Variants in FAR1 observed in about 807,000 individuals in gnomAD.
FAR1 encodes the protein male sterility domain-containing protein 2.
FAR1 carries 22 observed loss-of-function variants against 61.1 expected under a neutral mutation model. That is an observed-to-expected ratio of 0.36 (90% CI 0.26 to 0.51). The LOEUF (loss-of-function observed/expected upper bound fraction) is 0.51, where lower values mean the gene tolerates loss of function less well. Among genes scored for constraint, FAR1 ranks in the 20% least tolerant of loss-of-function variants. FAR1 has a pLI of 0.95. For missense variants in FAR1, 359 were observed against 626.9 expected, an observed-to-expected ratio of 0.57 and a Z score of 4.56; for synonymous variants, 206 against 209.7, an observed-to-expected ratio of 0.98 and a Z score of 0.15.
rs1481802538 is a variant in FAR1 at position 13,731,339 on chromosome 11, C to T, written c.*2565C>T. 1 of 152,286 alleles carries T rather than the reference C, an allele frequency of 6.6e-6. No individual in the cohort carries two copies. Among genetic ancestry groups the T allele is most frequent in the Non-Finnish European group, 1.5e-5 (1 of 67,938 alleles). The allele number at this position is 152,286 out of a possible 1,614,324, so 9.4% of individuals were successfully genotyped here. On this transcript the variant is annotated 3_prime_UTR_variant, in exon 12 of 12. Transcript: ENST00000354817. ...AGCAGGGAAAAGAATTTCCTTTTCCCCCTTTTTTGTGTTGTCTATAGGAAT... is the reference window on the plus strand; with the variant it reads ...AGCAGGGAAAAGAATTTCCTTTTCCTCCTTTTTTGTGTTGTCTATAGGAAT...
At chr11:13,700,034 G>A (rs1338357749) in intron 2 of FAR1, among the ~76,000 whole-genome samples, 1 of 152,056 alleles carries the variant, frequency 6.6e-6, no homozygotes, top group Admixed American at 6.6e-5. Flanking sequence ...CCAAGGCATG[G>A]ACAGTTCAAA....
At chr11:13,684,065 G>A (rs1331187686) in intron 1 of FAR1, among the ~76,000 whole-genome samples, 2 of 152,168 alleles carry the variant, frequency 1.3e-5, no homozygotes, top group Non-Finnish European at 2.9e-5. Context: ...TGTGAACATG[G>A]TGAACATTGT....
intron 9 of FAR1, among the ~76,000 whole-genome samples, chr11:13,715,624 G>GA (rs1014399279): frequency 6.6e-6 from 1 of 151,706 alleles, no homozygotes; most frequent in Admixed American, 6.6e-5. Flanking sequence ...GCATAGTTAT[G>GA]AAAAAAAAGT....
At chr11:13,712,146 C>A in intron 7 of FAR1, 100 bp downstream of exon 7, 1 of 840,024 alleles carries the variant, frequency 1.2e-6, no homozygotes, top group Non-Finnish European at 2.0e-6. Context: ...CCAGATATTG[C>A]CATACCAATA....
intron 3 of FAR1, among the ~76,000 whole-genome samples, chr11:13,706,541 A>C (rs1352129905): frequency 1.3e-5 from 2 of 152,034 alleles, no homozygotes; most frequent in Non-Finnish European, 2.9e-5. Context: ...TTTCATTTAC[A>C]ACATGTTTTG....
intron 1 of FAR1, among the ~76,000 whole-genome samples, chr11:13,672,625 A>G (rs1467993572): frequency 6.6e-6 from 1 of 152,052 alleles, no homozygotes; most frequent in Non-Finnish European, 1.5e-5. Context: ...TACTCAGGAA[A>G]ATGTGGGTAG....
intron 1 of FAR1, among the ~76,000 whole-genome samples, chr11:13,687,979 T>C (rs978766971): frequency 2.7e-5 from 4 of 149,858 alleles, no homozygotes; most frequent in African/African-American, 9.8e-5. Context: ...GGGATAGCAT[T>C]AGGAGATATA....
chr11:13,697,403 A>C (rs1376676150), intron 2 of FAR1, among the ~76,000 whole-genome samples: 1 of 152,166 alleles, frequency 6.6e-6, no homozygotes, highest in Non-Finnish European at 1.5e-5. Flanking sequence ...CAGAGGTTGC[A>C]GTGAGTTGAG....
intron 3 of FAR1, among the ~76,000 whole-genome samples, chr11:13,707,487 C>T (rs769548932): frequency 6.6e-6 from 1 of 152,150 alleles, no homozygotes; most frequent in African/African-American, 2.4e-5. Context: ...TCTACGTTAA[C>T]ATTTTAAAAT....
At chr11:13,689,552 A>C (rs1848224966) in intron 1 of FAR1, among the ~76,000 whole-genome samples, 1 of 152,154 alleles carries the variant, frequency 6.6e-6, no homozygotes, top group Admixed American at 6.5e-5. Flanking sequence ...GTTGATGAAC[A>C]CTTGGGTTTT....
chr11:13,723,362 C>CAAAAAAAAAAAAAAAAAAAAAACACAA, intron 10 of FAR1: 1 of 254,394 alleles, frequency 3.9e-6, no homozygotes, highest in Non-Finnish European at 6.9e-6. Context: ...GAGAGTCTCT[C>CAAAAAAAAAAAAAAAAAAAAAACACAA]AAAAAAAAAA....
intron 8 of FAR1, among the ~76,000 whole-genome samples, chr11:13,713,806 A>C (rs1305366836): frequency 6.6e-6 from 1 of 152,172 alleles, no homozygotes; most frequent in Admixed American, 6.5e-5. Context: ...GCATATAAGA[A>C]AAAGATAAAA....
At chr11:13,725,876 C>T (rs1160375118) in intron 10 of FAR1, among the ~76,000 whole-genome samples, 2 of 151,654 alleles carry the variant, frequency 1.3e-5, no homozygotes, top group South Asian at 2.1e-4. Flanking sequence ...TTTAGTCTGA[C>T]TAGTAGTGCT....
chr11:13,703,447 T>C (rs1175137242), intron 3 of FAR1, among the ~76,000 whole-genome samples: 1 of 152,214 alleles, frequency 6.6e-6, no homozygotes, highest in African/African-American at 2.4e-5. Flanking sequence ...ATGAAGCTTT[T>C]ACTGTTGGGG....
intron 1 of FAR1, among the ~76,000 whole-genome samples, chr11:13,685,042 A>T (rs548062330): frequency 6.6e-6 from 1 of 152,106 alleles, no homozygotes; most frequent in East Asian, 1.9e-4. Context: ...CTCTCTGTGG[A>T]TCAGGTAGGG....
chr11:13,715,733 T>A (rs1037274975), intron 9 of FAR1: 1 of 152,182 alleles, frequency 6.6e-6, no homozygotes, highest in Non-Finnish European at 1.5e-5. Flanking sequence ...CTACTGTCTT[T>A]ACCACACAAT....
chr11:13,701,675 TAC>T (rs896015097), intron 3 of FAR1, among the ~76,000 whole-genome samples: 3 of 152,154 alleles, frequency 2.0e-5, no homozygotes, highest in Non-Finnish European at 4.4e-5. Context: ...GCCAAAGCAT[TAC>T]AGTGTGTTTT....
At chr11:13,671,419 TGTTG>T (rs1174024725) in intron 1 of FAR1, among the ~76,000 whole-genome samples, 7 of 152,232 alleles carry the variant, frequency 4.6e-5, no homozygotes, top group African/African-American at 1.7e-4. Context: ...TAATTTTTTA[TGTTG>T]GTTAGGAGAG....
chr11:13,712,193 T>G, intron 7 of FAR1, 147 bp downstream of exon 7: 1 of 612,258 alleles, frequency 1.6e-6, no homozygotes, highest in Non-Finnish European at 2.9e-6. Context: ...AGAGTTGGTA[T>G]TATCACAGAC....
Sources: allele counts gnomAD v4.1 joint callset (sites outside exome capture counted in the v4.1 genomes callset), GRCh38; gene constraint gnomAD v4.1.1; transcripts MANE v1.5; gene names NCBI Gene and HGNC (gene_info 2026-07-23, HGNC 2026-07-21).